The following WWOX variants were observed in gnomAD, a reference collection of about 807,000 sequenced individuals.
WWOX encodes WW domain containing oxidoreductase.
WWOX carries 69 observed loss-of-function variants against 46.2 expected under a neutral mutation model. The observed-to-expected ratio is 1.49, with a 90% CI of 1.23 to 1.82. The LOEUF is 1.82. Among genes scored for constraint, WWOX ranks in the 40% most tolerant of loss-of-function variants. The pLI is 0.00. For synonymous variants in WWOX, 359 were observed against 202.6 expected (o/e 1.77, Z -6.56); for missense variants, 919 against 542.6 (o/e 1.69, Z -6.89).
chr16:78,167,310 G>A (rs1039228708), intron 5 of WWOX: 19 of 152,264 alleles, frequency 1.2e-4, no homozygotes, highest in Middle Eastern at 3.4e-3. Flanking sequence ...AAGGAAAAAG[G>A]TTGGATGGAT....
intron 8 of WWOX, among the ~76,000 whole-genome samples, chr16:78,685,999 G>A (rs2047847995): frequency 6.6e-6 from 1 of 152,044 alleles, no homozygotes; most frequent in Non-Finnish European, 1.5e-5. Flanking sequence ...ATTTGAAATG[G>A]AAATAAAACA....
At chr16:79,127,141 A>T (rs898824035) in intron 8 of WWOX, among the ~76,000 whole-genome samples, 1 of 152,186 alleles carries the variant, frequency 6.6e-6, no homozygotes. Flanking sequence ...AACAAGGTGT[A>T]TATGTATATA....
chr16:78,902,860 A>G (rs971447768), intron 8 of WWOX, among the ~76,000 whole-genome samples: 1 of 152,054 alleles, frequency 6.6e-6, no homozygotes, highest in African/African-American at 2.4e-5. Flanking sequence ...TTAGCTTCCC[A>G]TCTAAAATAC....
intron 8 of WWOX, among the ~76,000 whole-genome samples, chr16:78,787,997 G>A (rs975171439): frequency 6.6e-6 from 1 of 152,076 alleles, no homozygotes; most frequent in East Asian, 1.9e-4. Flanking sequence ...GGGTCATCTG[G>A]CTTTTGTTGT....
At chr16:78,915,294 C>T (rs1217811002) in intron 8 of WWOX, among the ~76,000 whole-genome samples, 1 of 152,190 alleles carries the variant, frequency 6.6e-6, no homozygotes, top group Non-Finnish European at 1.5e-5. Flanking sequence ...GTCACCTGTC[C>T]TTTATCTTGG....
chr16:78,541,308 A>T (rs1303169119), intron 8 of WWOX, among the ~76,000 whole-genome samples: 1 of 150,872 alleles, frequency 6.6e-6, no homozygotes, highest in Non-Finnish European at 1.5e-5. Context: ...CCCCGTCTCT[A>T]CTAAAAATAC....
At chr16:78,897,259 A>AACC (rs1357826462) in intron 8 of WWOX, 1 of 149,722 alleles carries the variant, frequency 6.7e-6, no homozygotes. Context: ...AAAAAAAAAA[A>AACC]AAAAAAACCA....
At chr16:79,077,327 G>C (rs1597352718) in intron 8 of WWOX, 2 of 152,272 alleles carry the variant, frequency 1.3e-5, no homozygotes, top group East Asian at 3.9e-4. Context: ...GCGTGGAACA[G>C]GGCATGGAAA....
At chr16:78,571,427 G>A (rs1024425877) in intron 8 of WWOX, among the ~76,000 whole-genome samples, 1 of 152,112 alleles carries the variant, frequency 6.6e-6, no homozygotes, top group African/African-American at 2.4e-5. Flanking sequence ...GACACATTAT[G>A]TTTTAACTTT....
intron 5 of WWOX, among the ~76,000 whole-genome samples, chr16:78,217,975 A>C (rs564779481): frequency 3.3e-5 from 5 of 152,194 alleles, no homozygotes; most frequent in African/African-American, 1.2e-4. Flanking sequence ...CTCCTTTTCC[A>C]CAAAAAGCAG....
At chr16:78,628,674 T>C (rs2046363088) in intron 8 of WWOX, among the ~76,000 whole-genome samples, 1 of 152,148 alleles carries the variant, frequency 6.6e-6, no homozygotes, top group Non-Finnish European at 1.5e-5. Flanking sequence ...AACACCATGG[T>C]CACTCCGTGC....
chr16:78,379,295 C>A (rs1177100522), intron 5 of WWOX, among the ~76,000 whole-genome samples: 1 of 152,096 alleles, frequency 6.6e-6, no homozygotes, highest in Non-Finnish European at 1.5e-5. Context: ...TCAATGGGTA[C>A]CTTGAAGTGA....
chr16:78,993,933 C>T (rs977165410), intron 8 of WWOX, among the ~76,000 whole-genome samples: 6 of 152,258 alleles, frequency 3.9e-5, no homozygotes, highest in African/African-American at 9.6e-5. Context: ...CCGCTTCCCC[C>T]GTGGGAACAG....
chr16:78,595,408 T>C (rs2045464766), intron 8 of WWOX, among the ~76,000 whole-genome samples: 1 of 152,120 alleles, frequency 6.6e-6, no homozygotes, highest in Non-Finnish European at 1.5e-5. Flanking sequence ...CCTGCCTCCC[T>C]GCAGCCTGTG....
At chr16:78,553,628 C>T (rs774008087) in intron 8 of WWOX, among the ~76,000 whole-genome samples, 2 of 152,064 alleles carry the variant, frequency 1.3e-5, no homozygotes, top group Non-Finnish European at 2.9e-5. Flanking sequence ...AGCAGTATGG[C>T]GCCCTAATAG....
intron 8 of WWOX, among the ~76,000 whole-genome samples, chr16:78,845,827 T>C (rs771914178): frequency 6.6e-5 from 10 of 152,204 alleles, no homozygotes; most frequent in Non-Finnish European, 1.3e-4. Flanking sequence ...ACTTAAGACA[T>C]GGAGCTGAGA....
rs138748234 is a variant in WWOX, at chr16:78,389,271, T to C, written c.605+2323T>C. On this transcript the variant is annotated intron_variant, in intron 6 of 8. Coordinates refer to ENST00000566780, the MANE Select transcript of WWOX (RefSeq NM_016373.4). ...CAAGACATTTGTTCGCTGATTTGCTTCGTCATTCATTTATCCACCCGTTCC... is the reference window on the plus strand; with the variant it reads ...CAAGACATTTGTTCGCTGATTTGCTCCGTCATTCATTTATCCACCCGTTCC... 5.5e-3 allele frequency among the ~76,000 whole-genome samples: 833 copies of C among 152,298 alleles called. 8 individuals are homozygous for C. The highest frequency in any genetic ancestry group is 4.7e-3 in the Non-Finnish European group (319 of 68,020).
intron 8 of WWOX, among the ~76,000 whole-genome samples, chr16:78,573,219 G>C (rs1277417543): frequency 2.0e-5 from 3 of 152,182 alleles, no homozygotes; most frequent in Non-Finnish European, 4.4e-5. Context: ...CCAGGAGGCA[G>C]AGCTTGCAGT....
chr16:78,953,022 C>G (rs1234698706), intron 8 of WWOX, among the ~76,000 whole-genome samples: 3 of 142,504 alleles, frequency 2.1e-5, no homozygotes, highest in African/African-American at 8.0e-5. Context: ...TATTGCTTCC[C>G]TGGATTTTTT....
Sources: allele counts gnomAD v4.1 joint callset (sites outside exome capture counted in the v4.1 genomes callset), GRCh38; gene constraint gnomAD v4.1.1; transcripts MANE v1.5; gene names NCBI Gene and HGNC (gene_info 2026-07-23, HGNC 2026-07-21).